The following BRAP variants were observed in gnomAD, a reference collection of about 807,000 sequenced individuals.
BRAP encodes BRCA1 associated protein.
In BRAP, 42 loss-of-function variants were observed where a neutral mutation model predicts 73.4. The observed-to-expected ratio is 0.57, with a 90% CI of 0.45 to 0.74. The LOEUF (loss-of-function observed/expected upper bound fraction) is 0.74, where lower values mean the gene tolerates loss of function less well. BRAP is among the 30% of genes least tolerant of loss of function. The pLI, the probability that BRAP is intolerant of heterozygous loss-of-function variation, is 0.00. For synonymous variants in BRAP, 255 were observed against 267.4 expected, an observed-to-expected ratio of 0.95 and a Z score of 0.45; for missense variants, 593 against 751.4, an observed-to-expected ratio of 0.79 and a Z score of 2.46.
chr12:111,676,573 C>A (rs1887390223), intron 4 of BRAP, among the ~76,000 whole-genome samples: 1 of 152,198 alleles, frequency 6.6e-6, no homozygotes. Flanking sequence ...GCCACCACAT[C>A]CAGCTAAGTT....
At chr12:111,680,233 C>T (rs1215182205) in intron 3 of BRAP, among the ~76,000 whole-genome samples, 2 of 151,846 alleles carry the variant, frequency 1.3e-5, no homozygotes, top group African/African-American at 2.4e-5. Flanking sequence ...GGATTACAGG[C>T]GTGAGCCACC....
chr12:111,669,096 T>C (rs1357406903), intron 5 of BRAP, among the ~76,000 whole-genome samples: 1 of 152,208 alleles, frequency 6.6e-6, no homozygotes, highest in Non-Finnish European at 1.5e-5. Context: ...CAGTCAATAG[T>C]TAAGTAACGT....
rs556442408 is a variant in BRAP, at chr12:111,684,929, A to G, written c.82+782T>C. On this transcript the variant is annotated intron_variant, in intron 1 of 11. Transcript: ENST00000419234. Reference sequence around the variant, plus strand: ...GGTGACCCGCCCGCCTCGGCCTCCCAAAGTGTGAGGATTACAGGCGTGAGC... The same window carrying G: ...GGTGACCCGCCCGCCTCGGCCTCCCGAAGTGTGAGGATTACAGGCGTGAGC... Among the ~76,000 whole-genome samples the G allele has an allele frequency of 4.6e-5, 7 of 152,278 alleles. No individual in the cohort carries two copies. The South Asian group carries it at 1.4e-3, about 32-fold the overall frequency.
Position 111,644,006 on chromosome 12 carries a change from C to A in BRAP, c.*193G>T. 1 of 887,546 alleles carries A rather than the reference C, an allele frequency of 1.1e-6. No homozygotes were observed. The highest frequency in any genetic ancestry group is 2.0e-5 in the South Asian group (1 of 50,896). The allele number at this position is 887,546 out of a possible 1,614,324, so 55.0% of individuals were successfully genotyped here. A position where few individuals can be genotyped will look rare whatever the true frequency, so the allele number is the denominator to read the frequency against. ...TCTTAAGACCTTTTCGAACGCAGCG[C>A]CTTTCTATCAGCTCTCCAGTCAGCA... On this transcript the variant is annotated 3_prime_UTR_variant, in exon 12 of 12. Coordinates refer to ENST00000419234, the MANE Select transcript of BRAP (RefSeq NM_006768.5).
chr12:111,676,022 ACC>A (rs796989277), intron 4 of BRAP, among the ~76,000 whole-genome samples: 20 of 150,762 alleles, frequency 1.3e-4, no homozygotes, highest in African/African-American at 4.9e-4. Flanking sequence ...TGGTAAGCAC[ACC>A]CCCCCTTTTT....
chr12:111,685,480 A>G (rs601663), intron 1 of BRAP: 344,235 of 1,010,210 alleles, frequency 0.34, 74,245 homozygotes, highest in East Asian at 0.94. Context: ...GGTATAAACT[A>G]AATGCCCTCA....
rs909560411 is a variant in BRAP, at chr12:111,642,312, G to C, written c.*1887C>G. On this transcript the variant is annotated 3_prime_UTR_variant, in exon 12 of 12. Coordinates refer to ENST00000419234, the MANE Select transcript of BRAP (RefSeq NM_006768.5). ...TAAAAAAAAATTTTTTTTTCTTTAC[G>C]TATCTTGGTAAGATTTTTTTTTTTT... 2.6e-5 allele frequency: 4 copies of C among 151,186 alleles called. No individual in the cohort carries two copies. The highest frequency in any genetic ancestry group is 5.9e-5 in the Non-Finnish European group (4 of 67,824). The allele number at this position is 151,186 out of a possible 1,614,324, so 9.4% of individuals were successfully genotyped here.
At chr12:111,657,110 C>G (rs145763165) in intron 9 of BRAP, among the ~76,000 whole-genome samples, 13 of 152,306 alleles carry the variant, frequency 8.5e-5, no homozygotes, top group African/African-American at 2.9e-4. Context: ...ATGGCGCCAT[C>G]TGGGCTCACT....
chr12:111,681,722 T>A lies in BRAP; in HGVS notation c.358A>T (p.Lys120Ter), dbSNP rs1039894918. The A allele has an allele frequency of 6.2e-7, 1 of 1,614,186 alleles. No homozygotes were observed. ...AATGAAATCTGGTCTGGAAGCTGTTTGGACGGAGAATCTGGGGCAGCGTTT... is the reference window on the plus strand; with the variant it reads ...AATGAAATCTGGTCTGGAAGCTGTTAGGACGGAGAATCTGGGGCAGCGTTT... ...CINAAPDSPS[K>*]QLPDQISFFS... is the part of the protein sequence containing the mutation. The change falls in exon 3 of 12, where the codon AAA (lysine) becomes TAA (stop). Residue 120 changes from lysine to a stop codon, truncating the protein, a stop_gained. Coordinates refer to ENST00000419234, the MANE Select transcript of BRAP (RefSeq NM_006768.5). LOFTEE classifies it high-confidence loss of function.
chr12:111,644,695 G>T, intron 11 of BRAP, 133 bp from the exon 12 acceptor site: 1 of 1,378,392 alleles, frequency 7.3e-7, no homozygotes, highest in Non-Finnish European at 9.8e-7. Context: ...CCATCGTGAG[G>T]GAGAATGGTT....
Position 111,658,696 on chromosome 12 carries a change from A to G in BRAP, c.1221+40T>C, listed in dbSNP as rs181053080. ...ATTTCAAATTAGAATAGTAAAGAGC[A>G]GTAGAAACAGATAGAGTGATAACTC... is the stretch of plus-strand genomic sequence containing the variant. On this transcript the variant is annotated intron_variant, in intron 9 of 11. Transcript: ENST00000419234. The G allele has an allele frequency of 4.9e-4, 659 of 1,334,446 alleles. 8 individuals carry two copies. The African/African-American group carries it at 8.0e-3, about 16-fold the overall frequency. 82.7% of individuals were successfully genotyped at this position (1,334,446 alleles called of 1,614,324 possible).
Position 111,658,799 on chromosome 12 carries a change from T to A in BRAP, c.1158A>T (p.Ile386=). The change falls in exon 9 of 12, where the codon ATA becomes ATT. Residue 386 remains isoleucine, a synonymous_variant. Coordinates refer to ENST00000419234, the MANE Select transcript of BRAP (RefSeq NM_006768.5). Reference sequence around the variant, plus strand: ...TATCCCCCTCACATTCATACTGTACTATTTTTCCATCTGTTTTACTTGCAA... The same window carrying A: ...TATCCCCCTCACATTCATACTGTACAATTTTTCCATCTGTTTTACTTGCAA... ...RLVASKTDGK[I]VQYECEGDTC... 6.2e-7 allele frequency: 1 copy of A among 1,613,148 alleles called. No homozygotes were observed. Among genetic ancestry groups the A allele is most frequent in the Non-Finnish European group, 8.5e-7 (1 of 1,179,232 alleles).
intron 3 of BRAP, 137 bp from the exon 4 acceptor site, chr12:111,679,477 AC>A: frequency 3.8e-6 from 2 of 521,658 alleles, no homozygotes; most frequent in African/African-American, 2.0e-5. Context: ...TCTATATTAT[AC>A]CCCCCATTGG....
intron 10 of BRAP, among the ~76,000 whole-genome samples, chr12:111,653,826 C>T (rs745381163): frequency 2.0e-5 from 3 of 152,286 alleles, no homozygotes; most frequent in South Asian, 2.1e-4. Flanking sequence ...TATGGATAAA[C>T]GACATTTGTT....
In BRAP at chr12:111,644,523, G is replaced by C. The variant is rs746444571; in HGVS notation, c.1455C>G (p.Asn485Lys). 6.2e-7 allele frequency: 1 copy of C among 1,613,884 alleles called. No homozygotes were observed. The highest frequency in any genetic ancestry group is 1.7e-5 in the Admixed American group (1 of 59,984). ...TCATTTCCTGCTCCTCTTTGAGCTCGTTGGTGAGTTTGGCCACTTTTGTGT... is the reference window on the plus strand; with the variant it reads ...TCATTTCCTGCTCCTCTTTGAGCTCCTTGGTGAGTTTGGCCACTTTTGTGT... Reference protein sequence around the residue: ...QLNTKVAKLTNELKEEQEMNK... With the variant: ...QLNTKVAKLTKELKEEQEMNK... The change falls in exon 12 of 12, where the codon AAC becomes AAG. Residue 485 changes from asparagine (N) to lysine (K), a missense_variant. By Grantham distance (94) the Asn-to-Lys change is moderately conservative. This residue lies in a region of BRAP where 143 missense variants were observed against 190.4 expected (regional missense o/e 0.75). Coordinates refer to ENST00000419234, the MANE Select transcript of BRAP (RefSeq NM_006768.5).
intron 8 of BRAP, 53 bp from the exon 9 acceptor site, chr12:111,658,898 T>C: frequency 1.4e-6 from 2 of 1,420,950 alleles, no homozygotes; most frequent in South Asian, 2.4e-5. Context: ...AGGGTCTCTG[T>C]ACACTTTTAA....
intron 3 of BRAP, among the ~76,000 whole-genome samples, 174 bp downstream of exon 3, chr12:111,681,463 A>G (rs902967403): frequency 2.6e-5 from 4 of 152,160 alleles, no homozygotes; most frequent in African/African-American, 7.2e-5. Flanking sequence ...CCCAATCCAC[A>G]AGATTAATCA....
chr12:111,680,375 G>T (rs957051610), intron 3 of BRAP, among the ~76,000 whole-genome samples: 7 of 152,140 alleles, frequency 4.6e-5, no homozygotes, highest in Admixed American at 3.9e-4. Flanking sequence ...TTGAAATGCT[G>T]CAAACTCACT....
chr12:111,668,715 G>A (rs1887052530), intron 5 of BRAP, among the ~76,000 whole-genome samples: 1 of 151,342 alleles, frequency 6.6e-6, no homozygotes, highest in Admixed American at 6.6e-5. Context: ...GGAGTGCAGT[G>A]GCACAATCTC....
Sources: allele counts gnomAD v4.1 joint callset (sites outside exome capture counted in the v4.1 genomes callset), GRCh38; gene constraint gnomAD v4.1.1; regional missense constraint gnomAD v4.1.1; transcripts MANE v1.5; gene names NCBI Gene and HGNC (gene_info 2026-07-23, HGNC 2026-07-21).